The following ATP1A2 variants were observed in gnomAD, a reference collection of about 807,000 sequenced individuals.
The protein encoded by ATP1A2 is sodium/potassium-transporting ATPase subunit alpha-2.
In ATP1A2, 56 loss-of-function variants were observed where a neutral mutation model predicts 113.1. The ratio of observed to expected loss-of-function variants is 0.49; its 90% CI spans 0.40 to 0.62. The LOEUF (loss-of-function observed/expected upper bound fraction) is 0.62. Among genes scored for constraint, ATP1A2 ranks in the 20% least tolerant of loss-of-function variants. The pLI is 0.00. For missense variants in ATP1A2, 712 were observed against 1,357.8 expected (o/e 0.52, Z 7.47); for synonymous variants, 490 against 526.8 (o/e 0.93, Z 0.96).
chr1:160,128,555 A>G (rs756727046), intron 8 of ATP1A2, 97 bp from the exon 9 acceptor site: 1 of 1,585,498 alleles, frequency 6.3e-7, no homozygotes, highest in Non-Finnish European at 8.6e-7. Flanking sequence ...AGTGGAGTAG[A>G]ATCAGGGGAG....
At chr1:160,137,101 G>C in intron 20 of ATP1A2, 70 bp downstream of exon 20, 1 of 1,611,916 alleles carries the variant, frequency 6.2e-7, no homozygotes, top group Non-Finnish European at 8.5e-7. Context: ...CACAGGCCAA[G>C]CTTCCAACTC....
chr1:160,133,136 G>T (rs1651820577), intron 13 of ATP1A2, among the ~76,000 whole-genome samples: 1 of 152,124 alleles, frequency 6.6e-6, no homozygotes. Flanking sequence ...CACCCTGAGA[G>T]GCTGGGAAAG....
chr1:160,129,035 T>C lies in ATP1A2; in HGVS notation c.1272T>C (p.Gly424=), dbSNP rs772041762. Residue 424 remains glycine, a synonymous_variant, in exon 10 of 23, where the codon GGT becomes GGC. Transcript: ENST00000361216. ...PTWTALSRIA[G]LCNRAVFKAG... is the part of the protein sequence containing the mutation. Reference sequence around the variant, plus strand: ...GGACGGCCCTGTCTCGAATTGCTGGTCTCTGCAACCGCGCCGTCTTCAAGG... The same window carrying C: ...GGACGGCCCTGTCTCGAATTGCTGGCCTCTGCAACCGCGCCGTCTTCAAGG... 6 of 1,612,288 alleles carry C rather than the reference T, an allele frequency of 3.7e-6. No individual in the cohort carries two copies. The highest frequency in any genetic ancestry group is 5.1e-6 in the Non-Finnish European group (6 of 1,179,060).
chr1:160,129,303 T>A lies in ATP1A2; in HGVS notation c.1364T>A (p.Leu455His). 6.2e-7 allele frequency: 1 copy of A among 1,614,146 alleles called. No individual in the cohort carries two copies. Among genetic ancestry groups the A allele is most frequent in the Non-Finnish European group, 8.5e-7 (1 of 1,180,022 alleles). Residue 455 changes from leucine to histidine, a missense_variant, in exon 11 of 23, where the codon CTC becomes CAC. Physicochemically the swap from Leu to His is moderately conservative, Grantham distance 99 (BLOSUM62 -3). Around this residue, in one of 6 missense-constraint regions of ATP1A2, gnomAD observed 263 missense variants for 380.6 expected, o/e 0.69. Transcript: ENST00000361216. ...GGTGATGCCTCTGAGTCAGCTCTGC[T>A]CAAGTGCATTGAGCTCTCCTGTGGC... ...TAGDASESAL[L>H]KCIELSCGSV...
Position 160,130,404 on chromosome 1 carries a change from C to A in ATP1A2, c.1652-18C>A, listed in dbSNP as rs372842016. On this transcript the variant is annotated intron_variant, in intron 12 of 22. Coordinates refer to ENST00000361216, the MANE Select transcript of ATP1A2 (RefSeq NM_000702.4). ...AGCCACTCTGCGGATCTCACTGATC[C>A]CTTCTGCCCCCCTTTAGGATTCTGT... The A allele has an allele frequency of 2.4e-4, 385 of 1,614,214 alleles. 4 individuals carry two copies. The Middle Eastern group carries it at 0.011, about 44-fold the overall frequency.
At chr1:160,133,569 G>A (rs1651830942) in intron 13 of ATP1A2, among the ~76,000 whole-genome samples, 1 of 152,138 alleles carries the variant, frequency 6.6e-6, no homozygotes, top group African/African-American at 2.4e-5. Context: ...GCTCACCAGG[G>A]AGGATGTCAG....
rs757896422 is a variant in ATP1A2, at chr1:160,136,662, G to T, written c.2656G>T (p.Asp886Tyr). ...LPSRLLGIRL[D>Y]WDDRTMNDLE... Reference sequence around the variant, plus strand: ...ATCACGGCTACTGGGAATCCGCCTCGACTGGGATGACCGGACCATGAATGA... The same window carrying T: ...ATCACGGCTACTGGGAATCCGCCTCTACTGGGATGACCGGACCATGAATGA... The change falls in exon 19 of 23, where the codon GAC becomes TAC. Residue 886 changes from aspartate to tyrosine, a missense_variant. By Grantham distance (160) the Asp-to-Tyr change is radical. This residue lies in a region of ATP1A2 where 188 missense variants were observed against 438.9 expected (regional missense o/e 0.43). Coordinates refer to ENST00000361216, the MANE Select transcript of ATP1A2 (RefSeq NM_000702.4). 11 of 1,614,232 alleles carry T rather than the reference G, an allele frequency of 6.8e-6. No individual in the cohort carries two copies. The highest frequency in any genetic ancestry group is 9.3e-6 in the Non-Finnish European group (11 of 1,180,042).
intron 7 of ATP1A2, 43 bp from the exon 8 acceptor site, chr1:160,127,509 G>A (rs112306807): frequency 6.2e-7 from 1 of 1,613,226 alleles, no homozygotes; most frequent in African/African-American, 1.3e-5. Flanking sequence ...TGCAGTCCCT[G>A]GGAGCCACAA....
At position 160,124,443 on chromosome 1, in the gene ATP1A2, T is replaced by C. The variant is rs1651518905; in HGVS notation, c.630+13T>C. On this transcript the variant is annotated intron_variant, in intron 6 of 22. Coordinates refer to ENST00000361216, the MANE Select transcript of ATP1A2 (RefSeq NM_000702.4). ...TCATGGCTGTAAGGTGAGGAGGTCA[T>C]ACCAGAGCAAGCAGTTGAGTCTAAG... 3 of 1,599,490 alleles carry C rather than the reference T, an allele frequency of 1.9e-6. No individual in the cohort carries two copies. The highest frequency in any genetic ancestry group is 1.8e-4 in the Middle Eastern group (1 of 5,410).
intron 1 of ATP1A2, among the ~76,000 whole-genome samples, chr1:160,117,445 T>C (rs1651221938): frequency 6.6e-6 from 1 of 152,086 alleles, no homozygotes. Context: ...ACTTTTCCAG[T>C]CTGTCTTTTT....
Position 160,129,395 on chromosome 1 carries a change from T to C in ATP1A2, c.1456T>C (p.Tyr486His). 1 of 1,613,218 alleles carries C rather than the reference T, an allele frequency of 6.2e-7. No homozygotes were observed. The highest frequency in any genetic ancestry group is 8.5e-7 in the Non-Finnish European group (1 of 1,180,000). Reference protein sequence around the residue: ...AEIPFNSTNKYQLSIHEREDS... With the variant: ...AEIPFNSTNKHQLSIHEREDS... ...GATTCCTTTCAACTCTACCAACAAG[T>C]ACCAGGTCTGCTTGGGTTGCCAGGA... The change falls in exon 11 of 23, where the codon TAC (tyrosine) becomes CAC (histidine). Residue 486 changes from tyrosine (Y) to histidine (H), a missense_variant. Coordinates refer to ENST00000361216, the MANE Select transcript of ATP1A2 (RefSeq NM_000702.4).
chr1:160,128,309 GCTGT>G (rs1339434298), intron 8 of ATP1A2: 1 of 529,630 alleles, frequency 1.9e-6, no homozygotes. Flanking sequence ...TCAGGCCTCA[GCTGT>G]CTGTTCTTCC....
intron 20 of ATP1A2, among the ~76,000 whole-genome samples, chr1:160,138,707 G>A (rs1172742483): frequency 6.6e-6 from 1 of 152,140 alleles, no homozygotes; most frequent in Admixed American, 6.5e-5. Flanking sequence ...AGGGCGTGGT[G>A]GCACACACCT....
chr1:160,128,301 A>C (rs1345728750), intron 8 of ATP1A2: 2 of 507,540 alleles, frequency 3.9e-6, no homozygotes, highest in African/African-American at 3.8e-5. Flanking sequence ...ACTGATTCTC[A>C]GGCCTCAGCT....
intron 7 of ATP1A2, chr1:160,125,497 A>C: frequency 1.9e-6 from 1 of 523,644 alleles, no homozygotes; most frequent in Admixed American, 3.4e-5. Context: ...CCACCCCAAG[A>C]CTGAGTGGAT....
rs1652082816 is a variant in ATP1A2 at position 160,139,966 on chromosome 1, C to G, written c.3016C>G (p.Leu1006Val). Residue 1006 changes from leucine to valine, a missense_variant, in exon 22 of 23, where the codon CTG (leucine) becomes GTG (valine). By Grantham distance (32) the Leu-to-Val change is conservative. Around this residue, in one of 6 missense-constraint regions of ATP1A2, gnomAD observed 188 missense variants for 438.9 expected, o/e 0.43. Coordinates refer to ENST00000361216, the MANE Select transcript of ATP1A2 (RefSeq NM_000702.4). ...FIYDEVRKLILRRYPGGWVEK... is the reference protein window; with the variant it reads ...FIYDEVRKLIVRRYPGGWVEK... ...CTATGATGAGGTCCGAAAGCTCATCCTGCGGCGGTATCCTGGTGGTAAGCC... is the reference window on the plus strand; with the variant it reads ...CTATGATGAGGTCCGAAAGCTCATCGTGCGGCGGTATCCTGGTGGTAAGCC... 1 of 1,614,024 alleles carries G rather than the reference C, an allele frequency of 6.2e-7. No homozygotes were observed. Among genetic ancestry groups the G allele is most frequent in the Non-Finnish European group, 8.5e-7 (1 of 1,180,036 alleles).
At chr1:160,140,843 CTTCTTTTT>C (rs1652123167) in intron 22 of ATP1A2, 1 of 158,854 alleles carries the variant, frequency 6.3e-6, no homozygotes, top group Non-Finnish European at 1.2e-5. Context: ...TCCCTTTCAC[CTTCTTTTT>C]TTTTTTTTTT....
intron 1 of ATP1A2, 110 bp from the exon 2 acceptor site, chr1:160,120,796 G>A (rs747385421): frequency 3.9e-5 from 44 of 1,140,864 alleles, no homozygotes; most frequent in Admixed American, 1.2e-4. Context: ...CAAGGCAGCC[G>A]CTGCTTTTGA....
At chr1:160,117,647 G>A (rs920193860) in intron 1 of ATP1A2, among the ~76,000 whole-genome samples, 4 of 152,116 alleles carry the variant, frequency 2.6e-5, no homozygotes, top group Non-Finnish European at 5.9e-5. Context: ...CCCACAACCT[G>A]TTCTAGGGAT....
Sources: gnomAD v4.1 joint callset for allele counts (sites outside exome capture counted in the v4.1 genomes callset) on GRCh38, gnomAD v4.1.1 for gene constraint, gnomAD v4.1.1 regional missense constraint, MANE v1.5 for transcripts, NCBI Gene and HGNC (gene_info 2026-07-23, HGNC 2026-07-21) for gene names.